The following EIF2B3 variants were observed in gnomAD, a reference collection of about 807,000 sequenced individuals.
EIF2B3 encodes translation initiation factor eIF2B subunit gamma.
In EIF2B3, 20 loss-of-function variants were observed where a neutral mutation model predicts 54.1. That is an observed-to-expected ratio of 0.37 (90% CI 0.26 to 0.54). The LOEUF (loss-of-function observed/expected upper bound fraction) is 0.54, where lower values mean the gene tolerates loss of function less well. Among genes scored for constraint, EIF2B3 ranks in the 20% least tolerant of loss-of-function variants. EIF2B3 has a pLI of 0.86. For synonymous variants in EIF2B3, 153 were observed against 188.1 expected (o/e 0.81, Z 1.52); for missense variants, 448 against 547.8 (o/e 0.82, Z 1.82).
intron 3 of EIF2B3, among the ~76,000 whole-genome samples, chr1:44,946,627 C>CTTT (rs35199520): frequency 3.7e-4 from 49 of 131,840 alleles, no homozygotes; most frequent in African/African-American, 5.0e-4. Context: ...TCTTCTTCTT[C>CTTT]TTTTTTTTTT....
chr1:44,967,564 C>A (rs956615493), intron 3 of EIF2B3, among the ~76,000 whole-genome samples: 28 of 150,630 alleles, frequency 1.9e-4, no homozygotes, highest in Admixed American at 5.3e-4. Context: ...CACGGTGAAA[C>A]CCTGTCTCTA....
chr1:44,944,936 A>G (rs1419394915), intron 3 of EIF2B3, among the ~76,000 whole-genome samples: 1 of 151,962 alleles, frequency 6.6e-6, no homozygotes, highest in Non-Finnish European at 1.5e-5. Context: ...CTTTCCTAAT[A>G]TTTTAATTTA....
chr1:44,881,771 CCTGA>C lies in EIF2B3; in HGVS notation c.657-36_657-33del, dbSNP rs767295504. 6.2e-7 allele frequency: 1 copy of C among 1,612,736 alleles called. No individual in the cohort carries two copies. The highest frequency in any genetic ancestry group is 8.5e-7 in the Non-Finnish European group (1 of 1,179,254). On this transcript the variant is annotated intron_variant, in intron 6 of 11. Transcript: ENST00000360403. The surrounding 1 kb of genome is among the most constrained non-coding windows in gnomAD (Gnocchi z 4.0). ...AGAAAGAATGGCCAAATATGAGAAA[CCTGA>C]CTGTCTGGAACATACCCGGATCAAA... is the stretch of plus-strand genomic sequence containing the variant.
At chr1:44,984,449 C>T (rs1034281734) in intron 1 of EIF2B3, among the ~76,000 whole-genome samples, 16 of 151,570 alleles carry the variant, frequency 1.1e-4, no homozygotes, top group Non-Finnish European at 2.2e-4. Flanking sequence ...CCAGCCTGGG[C>T]AACAGAGTGA....
intron 5 of EIF2B3, among the ~76,000 whole-genome samples, chr1:44,910,391 T>C (rs1378390642): frequency 6.6e-6 from 1 of 152,180 alleles, no homozygotes; most frequent in Non-Finnish European, 1.5e-5. Context: ...CAGAACATTC[T>C]TTCCTACTAC....
At chr1:44,970,802 T>C (rs2148959984) in intron 3 of EIF2B3, among the ~76,000 whole-genome samples, 1 of 152,344 alleles carries the variant, frequency 6.6e-6, no homozygotes, top group Non-Finnish European at 1.5e-5. Flanking sequence ...ATTTACGTTC[T>C]TCCAACAGTT....
chr1:44,966,470 C>G (rs545885252), intron 3 of EIF2B3, among the ~76,000 whole-genome samples: 4 of 149,476 alleles, frequency 2.7e-5, no homozygotes, highest in African/African-American at 9.9e-5. Context: ...GAAGAAGAAG[C>G]CTGGCACTAA....
At chr1:44,946,577 C>T (rs1220049064) in intron 3 of EIF2B3, among the ~76,000 whole-genome samples, 1 of 151,404 alleles carries the variant, frequency 6.6e-6, no homozygotes, top group Non-Finnish European at 1.5e-5. Context: ...GCTGGGACTA[C>T]AGGCACCACA....
At chr1:44,923,882 C>T (rs1405968569) in intron 5 of EIF2B3, among the ~76,000 whole-genome samples, 2 of 151,404 alleles carry the variant, frequency 1.3e-5, no homozygotes, top group Admixed American at 1.3e-4. Flanking sequence ...TGGCTCACTG[C>T]AGCCTCAACC....
chr1:44,900,019 C>A (rs1643248830), intron 5 of EIF2B3, among the ~76,000 whole-genome samples: 1 of 152,184 alleles, frequency 6.6e-6, no homozygotes, highest in Non-Finnish European at 1.5e-5. Context: ...AGAACAAAAT[C>A]ATGTCCTTTG....
At chr1:44,858,281 A>C (rs1654500045) in intron 10 of EIF2B3, among the ~76,000 whole-genome samples, 1 of 151,574 alleles carries the variant, frequency 6.6e-6, no homozygotes, top group Non-Finnish European at 1.5e-5. Flanking sequence ...TCTAAATTCC[A>C]TCCAATCTGT....
chr1:44,938,502 GT>G (rs112483515), intron 4 of EIF2B3, among the ~76,000 whole-genome samples: 5,060 of 147,390 alleles, frequency 0.034, 168 homozygotes, highest in African/African-American at 0.086. Context: ...CTCTCTCTCT[GT>G]TTTTTTTTGG....
chr1:44,882,265 GC>G (rs1384918438), intron 6 of EIF2B3, among the ~76,000 whole-genome samples: 1 of 152,178 alleles, frequency 6.6e-6, no homozygotes, highest in East Asian at 1.9e-4. Context: ...AATCAGGTAG[GC>G]AAGGGGGCCA....
chr1:44,928,907 C>T (rs1643875272), intron 4 of EIF2B3, among the ~76,000 whole-genome samples: 1 of 152,154 alleles, frequency 6.6e-6, no homozygotes, highest in Admixed American at 6.5e-5. Flanking sequence ...AAGAACAGAA[C>T]TTCTGGAGCC....
chr1:44,963,250 A>C (rs905058886), intron 3 of EIF2B3, among the ~76,000 whole-genome samples: 4 of 151,894 alleles, frequency 2.6e-5, no homozygotes, highest in East Asian at 1.9e-4. Flanking sequence ...CAAAACAAAA[A>C]AAAACCCCAG....
intron 5 of EIF2B3, among the ~76,000 whole-genome samples, chr1:44,897,688 G>A (rs1448694062): frequency 6.6e-6 from 1 of 151,748 alleles, no homozygotes; most frequent in Non-Finnish European, 1.5e-5. Context: ...AAGAAATCTG[G>A]TGAGACATCA....
chr1:44,983,561 A>T (rs577876720), intron 1 of EIF2B3, among the ~76,000 whole-genome samples: 22 of 152,288 alleles, frequency 1.4e-4, no homozygotes, highest in Non-Finnish European at 2.9e-4. Flanking sequence ...TTATGAAAAG[A>T]GCACTGGACC....
At chr1:44,916,190 A>T (rs1468944084) in intron 5 of EIF2B3, among the ~76,000 whole-genome samples, 1 of 151,948 alleles carries the variant, frequency 6.6e-6, no homozygotes, top group African/African-American at 2.4e-5. Context: ...CTCTATTACC[A>T]TATTCTTTAT....
chr1:44,911,884 G>A (rs1328893193), intron 5 of EIF2B3, among the ~76,000 whole-genome samples: 4 of 135,522 alleles, frequency 3.0e-5, no homozygotes, highest in African/African-American at 1.1e-4. Flanking sequence ...AGTCCCCAGA[G>A]TGTGATGTTC....
Sources: allele counts gnomAD v4.1 joint callset (sites outside exome capture counted in the v4.1 genomes callset), GRCh38; gene constraint gnomAD v4.1.1; non-coding constraint Gnocchi (gnomAD v3.1); transcripts MANE v1.5; gene names NCBI Gene and HGNC (gene_info 2026-07-23, HGNC 2026-07-21).